Variants in PRDM16 observed in about 807,000 individuals in gnomAD.
PRDM16 encodes PR/SET domain 16, also known as histone-lysine N-methyltransferase PRDM16.
PRDM16 carries 23 observed loss-of-function variants against 110.6 expected under a neutral mutation model. The observed-to-expected ratio is 0.21, with a 90% CI of 0.15 to 0.29. PRDM16 has a LOEUF of 0.29. PRDM16 is among the 10% of genes least tolerant of loss of function. PRDM16 has a pLI of 1.00. For missense variants in PRDM16, 1,615 were observed against 1,794.3 expected, an observed-to-expected ratio of 0.90 and a Z score of 1.81; for synonymous variants, 799 against 781.8, an observed-to-expected ratio of 1.02 and a Z score of -0.37.
At chr1:3,181,817 CAT>C (rs1334947825) in intron 1 of PRDM16, among the ~76,000 whole-genome samples, 2 of 54,276 alleles carry the variant, frequency 3.7e-5, no homozygotes, top group Non-Finnish European at 1.2e-4. Flanking sequence ...CGGTCTTACA[CAT>C]GCGGTCTTAC....
intron 1 of PRDM16, among the ~76,000 whole-genome samples, chr1:3,114,516 A>C (rs930213481): frequency 2.6e-5 from 4 of 150,976 alleles, no homozygotes; most frequent in Non-Finnish European, 5.9e-5. Context: ...GCACACACAC[A>C]TGAACACACG....
intron 1 of PRDM16, among the ~76,000 whole-genome samples, chr1:3,105,885 A>T (rs1301032582): frequency 3.3e-5 from 5 of 150,182 alleles, no homozygotes; most frequent in Non-Finnish European, 5.9e-5. Context: ...GGCCACAGAG[A>T]GTCTTCAGGG....
In PRDM16 at chr1:3,353,264, A is replaced by G. The variant is rs2483256; in HGVS notation, c.439-31888A>G. On this transcript the variant is annotated intron_variant, in intron 3 of 16. Transcript: ENST00000270722. This position sits in a 1 kb window ranked among gnomAD's most constrained non-coding sequence, Gnocchi z 5.4. ...CGGTAAAAGTTTACGAGGGCTGGGC[A>G]GCTCCTAGGCATGGGCAGGCCCATT... Among the ~76,000 whole-genome samples the G allele has an allele frequency of 0.44, 66,431 of 152,158 alleles. 16,945 individuals carry two copies. The highest frequency in any genetic ancestry group is 0.72 in the African/African-American group (29,770 of 41,510).
rs913742462 is a variant in PRDM16 at position 3,245,515 on chromosome 1, A to C, written c.438+1378A>C. ...CTGAAGGGCCTCCGGAAACTGGGTG[A>C]ACTGGTTCCCGTGTCCCTCCCCGTC... On this transcript the variant is annotated intron_variant, in intron 3 of 16. Coordinates refer to ENST00000270722, the MANE Select transcript of PRDM16 (RefSeq NM_022114.4). This position sits in a 1 kb window ranked among gnomAD's most constrained non-coding sequence, Gnocchi z 4.7. Among the ~76,000 whole-genome samples the C allele has an allele frequency of 1.1e-4, 16 of 152,136 alleles. No individual in the cohort carries two copies. The highest frequency in any genetic ancestry group is 3.9e-4 in the African/African-American group (16 of 41,414).
chr1:3,412,417 C>T lies in PRDM16; in HGVS notation c.2220C>T (p.Phe740=). Residue 740 remains phenylalanine (F), a synonymous_variant, in exon 9 of 17, where the codon TTC becomes TTT. Transcript: ENST00000270722. ...LPNFPHSLYP[F]TDRALAHNLL... is the part of the protein sequence containing the mutation. ...ACTTCCCCCACTCCCTTTACCCCTT[C>T]ACGGACCGAGCCCTCGCCCACAACT... 5 of 1,612,718 alleles carry T rather than the reference C, an allele frequency of 3.1e-6. No individual in the cohort carries two copies. In the South Asian group the frequency reaches 5.5e-5, roughly 18 times the overall value.
chr1:3,133,595 C>G (rs753631820), intron 1 of PRDM16: 4 of 152,296 alleles, frequency 2.6e-5, no homozygotes, highest in Non-Finnish European at 2.9e-5. Flanking sequence ...TGGCAGGGGC[C>G]GTGCCATTGC....
intron 2 of PRDM16, among the ~76,000 whole-genome samples, chr1:3,187,630 G>C (rs928653745): frequency 6.6e-6 from 1 of 152,158 alleles, no homozygotes; most frequent in South Asian, 2.1e-4. Context: ...GAACACCGAC[G>C]GCCTGGGGAC....
chr1:3,406,194 A>G (rs965959059), intron 8 of PRDM16, among the ~76,000 whole-genome samples: 27 of 152,120 alleles, frequency 1.8e-4, no homozygotes, highest in African/African-American at 6.5e-4. Flanking sequence ...CAATGGGAGG[A>G]GACAGGCAAG....
chr1:3,360,347 T>C (rs1450019224), intron 3 of PRDM16, among the ~76,000 whole-genome samples: 1 of 152,146 alleles, frequency 6.6e-6, no homozygotes, highest in Non-Finnish European at 1.5e-5. Flanking sequence ...AGCACCCTCA[T>C]GCTCTGTGAT....
chr1:3,172,493 CA>C, intron 1 of PRDM16, among the ~76,000 whole-genome samples: 1 of 152,342 alleles, frequency 6.6e-6, no homozygotes, highest in East Asian at 1.9e-4. Flanking sequence ...CGCATGTTCA[CA>C]CGTGCTTCCC....
At chr1:3,365,142 A>T (rs1642786922) in intron 3 of PRDM16, among the ~76,000 whole-genome samples, 1 of 152,154 alleles carries the variant, frequency 6.6e-6, no homozygotes, top group South Asian at 2.1e-4. Context: ...TGTTCAGGAA[A>T]GTGGGAGTCG....
intron 1 of PRDM16, chr1:3,133,705 A>C (rs1016332541): frequency 6.6e-6 from 1 of 152,256 alleles, no homozygotes; most frequent in Non-Finnish European, 1.5e-5. Flanking sequence ...TGGGGCTGGC[A>C]AGGCTGGGCC....
In PRDM16 at chr1:3,412,509, G is replaced by C. The variant is rs1354451621; in HGVS notation, c.2312G>C (p.Cys771Ser). The C allele has an allele frequency of 1.2e-6, 2 of 1,613,220 alleles. No individual in the cohort carries two copies. The highest frequency in any genetic ancestry group is 2.2e-5 in the South Asian group (2 of 91,082). Residue 771 changes from cysteine (C) to serine (S), a missense_variant, in exon 9 of 17, where the codon TGC becomes TCC. By Grantham distance (112) the Cys-to-Ser change is moderately radical. Transcript: ENST00000270722. ...AAGGTGGGCGGCCCCAGTGCCGAGTGCCCCTTTGATCTCACCACCAAGCCC... is the reference window on the plus strand; with the variant it reads ...AAGGTGGGCGGCCCCAGTGCCGAGTCCCCCTTTGATCTCACCACCAAGCCC... ...ALKVGGPSAE[C>S]PFDLTTKPKD...
Position 3,276,324 on chromosome 1 carries a change from G to A in PRDM16, c.438+32187G>A, listed in dbSNP as rs867417903. Among the ~76,000 whole-genome samples the A allele has an allele frequency of 5.3e-4, 81 of 152,340 alleles. 2 individuals are homozygous for A. Among genetic ancestry groups the A allele is most frequent in the Middle Eastern group, 6.8e-3 (2 of 294 alleles). ...CGGTGGGAGTCCTGGTCTCAGCACC[G>A]CAGACTCCAGCAGCGACCAGGCCTC... is the stretch of plus-strand genomic sequence containing the variant. On this transcript the variant is annotated intron_variant, in intron 3 of 16. Coordinates refer to ENST00000270722, the MANE Select transcript of PRDM16 (RefSeq NM_022114.4).
chr1:3,129,645 C>T lies in PRDM16; in HGVS notation c.38-56480C>T, dbSNP rs540760770. Among the ~76,000 whole-genome samples the T allele has an allele frequency of 4.6e-5, 7 of 152,272 alleles. No individual in the cohort carries two copies. The South Asian group carries it at 8.3e-4, about 18-fold the overall frequency. Reference sequence around the variant, plus strand: ...TTGAAGCAGGTTCTCCCAGGTCCTCCGCAGTTACGTGGGAGAGCCCAAGGG... The same window carrying T: ...TTGAAGCAGGTTCTCCCAGGTCCTCTGCAGTTACGTGGGAGAGCCCAAGGG... On this transcript the variant is annotated intron_variant, in intron 1 of 16. Transcript: ENST00000270722.
chr1:3,238,769 T>C (rs1477390080), intron 2 of PRDM16, among the ~76,000 whole-genome samples: 1 of 152,180 alleles, frequency 6.6e-6, no homozygotes, highest in Non-Finnish European at 1.5e-5. Flanking sequence ...GCCTGGCGTG[T>C]GTCTTCTTCC....
rs370663882 is a variant in PRDM16, at chr1:3,431,105, G to A, written c.3518G>A (p.Arg1173Gln). ...CTGGCCGTGGGCTTTGACCACACCCGAAGGTGGGGGCAGCCGTGTGCTCCA... is the reference window on the plus strand; with the variant it reads ...CTGGCCGTGGGCTTTGACCACACCCAAAGGTGGGGGCAGCCGTGTGCTCCA... ...ASLAVGFDHT[R>Q]RCAEDHEGGL... Residue 1173 changes from arginine to glutamine, a missense_variant, in exon 15 of 17, where the codon CGA becomes CAA. Arg to Gln is a conservative substitution (Grantham distance 43, BLOSUM62 1). Coordinates refer to ENST00000270722, the MANE Select transcript of PRDM16 (RefSeq NM_022114.4). 2.5e-5 allele frequency: 38 copies of A among 1,550,068 alleles called. No individual in the cohort carries two copies. Among genetic ancestry groups the A allele is most frequent in the African/African-American group, 8.2e-5 (6 of 73,142 alleles).
intron 1 of PRDM16, among the ~76,000 whole-genome samples, chr1:3,168,656 G>T (rs1203198904): frequency 2.9e-5 from 4 of 137,168 alleles, no homozygotes; most frequent in South Asian, 2.4e-4. Flanking sequence ...TTAATGCAAA[G>T]AAATTGCTTT....
At chr1:3,347,481 G>A (rs766748448) in intron 3 of PRDM16, among the ~76,000 whole-genome samples, 12 of 152,220 alleles carry the variant, frequency 7.9e-5, no homozygotes, top group African/African-American at 1.9e-4. Context: ...GCCCTCCTGC[G>A]TCTGGTCCCA....
Sources: allele counts gnomAD v4.1 joint callset (sites outside exome capture counted in the v4.1 genomes callset), GRCh38; gene constraint gnomAD v4.1.1; non-coding constraint Gnocchi (gnomAD v3.1); transcripts MANE v1.5; gene names NCBI Gene and HGNC (gene_info 2026-07-23, HGNC 2026-07-21).